KDR: variants seen among roughly 807,000 people sequenced by gnomAD.
KDR encodes the protein vascular endothelial growth factor receptor 2.
KDR carries 43 observed loss-of-function variants against 160.9 expected under a neutral mutation model. The observed-to-expected ratio is 0.27, with a 90% CI of 0.21 to 0.34. The LOEUF (loss-of-function observed/expected upper bound fraction) is 0.34. Among genes scored for constraint, KDR ranks in the 10% least tolerant of loss-of-function variants. The pLI is 1.00. For synonymous variants in KDR, 617 were observed against 600.1 expected (o/e 1.03, Z -0.41); for missense variants, 1,469 against 1,666.4 (o/e 0.88, Z 2.06).
chr4:55,085,701 T>G (rs28690664), intron 27 of KDR, among the ~76,000 whole-genome samples: 4 of 152,130 alleles, frequency 2.6e-5, no homozygotes, highest in Non-Finnish European at 4.4e-5. Context: ...TCCATTTTAT[T>G]TTTCAAATTA....
At chr4:55,108,022 A>C in intron 9 of KDR, 129 bp from the exon 10 acceptor site, 1 of 965,552 alleles carries the variant, frequency 1.0e-6, no homozygotes, top group Non-Finnish European at 1.6e-6. Context: ...TTCGAAGAAC[A>C]CCTAGATGTG....
Position 55,107,790 on chromosome 4 carries a change from C to T in KDR, c.1359G>A (p.Pro453=), listed in dbSNP as rs762349152. ...ACTGCCAATACCAGTGGATGTGATG[C>T]GGGGGAGGAATGGCATAGACCGTAC... ...LTCTVYAIPP[P]HHIHWYWQLE... is the part of the protein sequence containing the mutation. Residue 453 remains proline (P), a synonymous_variant, in exon 10 of 30, where the codon CCG becomes CCA. Coordinates refer to ENST00000263923, the MANE Select transcript of KDR (RefSeq NM_002253.4). 17 of 1,613,702 alleles carry T rather than the reference C, an allele frequency of 1.1e-5. No homozygotes were observed. The highest frequency in any genetic ancestry group is 4.5e-5 in the East Asian group (2 of 44,872).
chr4:55,098,336 G>A, intron 16 of KDR, 64 bp from the exon 17 acceptor site: 1 of 1,579,338 alleles, frequency 6.3e-7, no homozygotes. Context: ...TTGTGTGCTT[G>A]TTATTGCTGT....
intron 27 of KDR, among the ~76,000 whole-genome samples, chr4:55,084,300 G>C (rs1719805884): frequency 6.6e-6 from 1 of 152,170 alleles, no homozygotes; most frequent in Admixed American, 6.5e-5. Flanking sequence ...TAAGACCCAA[G>C]AGACAAATAC....
chr4:55,082,514 T>C, intron 28 of KDR, 22 bp downstream of exon 28: 1 of 1,494,992 alleles, frequency 6.7e-7, no homozygotes, highest in Non-Finnish European at 9.3e-7. Context: ...TTTCTAAGAC[T>C]ATTTTTAAAA....
At chr4:55,081,451 GATT>G (rs1441396809) in intron 29 of KDR, among the ~76,000 whole-genome samples, 5 of 152,262 alleles carry the variant, frequency 3.3e-5, no homozygotes, top group African/African-American at 1.2e-4. Context: ...ATAGAAGGGA[GATT>G]ATATTTAAAA....
In KDR at chr4:55,092,245, T is replaced by C. The variant is rs186662231; in HGVS notation, c.3069+372A>G. On this transcript the variant is annotated intron_variant, in intron 22 of 29. Coordinates refer to ENST00000263923, the MANE Select transcript of KDR (RefSeq NM_002253.4). ...TTTCTTGCTTTATTTCCCCATAGCA[T>C]TTACTCTCATCTAACCTACAACACG... is the stretch of plus-strand genomic sequence containing the variant. The C allele has an allele frequency of 1.7e-3, 530 of 306,896 alleles. 3 individuals are homozygous for C. The highest frequency in any genetic ancestry group is 0.011 in the African/African-American group (500 of 46,442). The allele number at this position is 306,896 out of a possible 1,614,324, so 19.0% of individuals were successfully genotyped here. A position where few individuals can be genotyped will look rare whatever the true frequency, so the allele number is the denominator to read the frequency against.
At position 55,105,848 on chromosome 4, in the gene KDR, G is replaced by A. The variant is rs150270342; in HGVS notation, c.1629C>T (p.Ile543=). 5.0e-5 allele frequency: 80 copies of A among 1,608,456 alleles called. 1 individual carries two copies. The African/African-American group carries it at 8.9e-4, about 18-fold the overall frequency. Residue 543 remains isoleucine, a synonymous_variant, in exon 12 of 30, where the codon ATC becomes ATT. Transcript: ENST00000263923. ...AGTACTTACTGGTCACGTGGAAGGA[G>A]ATCACCCTCTCTCCTCTCCCGACTT... is the stretch of plus-strand genomic sequence containing the variant. The part of the protein sequence containing the change: ...VNKVGRGERV[I]SFHVTRGPEI...
In KDR at chr4:55,078,957, A is replaced by C. The variant is rs2110002769; in HGVS notation, c.*984T>G. 1 of 233,276 alleles carries C rather than the reference A, an allele frequency of 4.3e-6. No homozygotes were observed. The highest frequency in any genetic ancestry group is 6.0e-5 in the East Asian group (1 of 16,576). 14.5% of individuals were successfully genotyped at this position (233,276 alleles called of 1,614,324 possible). A position where few individuals can be genotyped will look rare whatever the true frequency, so the allele number is the denominator to read the frequency against. The stretch of plus-strand genomic sequence containing the variant: ...GGTTGGGGACAGGGGGAAGAACAAA[A>C]GGGTAAAATCCTTCCTGAAACTTTG... On this transcript the variant is annotated 3_prime_UTR_variant, in exon 30 of 30. Transcript: ENST00000263923.
At chr4:55,121,809 T>C (rs577298457) in intron 1 of KDR, among the ~76,000 whole-genome samples, 4 of 152,274 alleles carry the variant, frequency 2.6e-5, no homozygotes, top group South Asian at 4.1e-4. Context: ...ATTCCACACA[T>C]ACATGCATAT....
In KDR at chr4:55,110,455, G is replaced by A. The variant is rs2110027320; in HGVS notation, c.1203C>T (p.Thr401=). Reference sequence around the variant, plus strand: ...TCTGCTTCTCCTTTGAAATGGGATTGGTAAGGATGACAGTGTAATTTCCTG... The same window carrying A: ...TCTGCTTCTCCTTTGAAATGGGATTAGTAAGGATGACAGTGTAATTTCCTG... ...RDTGNYTVIL[T]NPISKEKQSH... The change falls in exon 9 of 30, where the codon ACC becomes ACT. Residue 401 remains threonine, a synonymous_variant. Coordinates refer to ENST00000263923, the MANE Select transcript of KDR (RefSeq NM_002253.4). 1.4e-5 allele frequency: 22 copies of A among 1,614,002 alleles called. No homozygotes were observed. The highest frequency in any genetic ancestry group is 1.9e-5 in the Non-Finnish European group (22 of 1,179,936).
At chr4:55,106,422 T>C (rs1720447072) in intron 11 of KDR, among the ~76,000 whole-genome samples, 2 of 152,290 alleles carry the variant, frequency 1.3e-5, no homozygotes, top group South Asian at 4.2e-4. Context: ...TGATACACAT[T>C]TTTTCATTCT....
At chr4:55,089,321 G>T in intron 25 of KDR, 53 bp downstream of exon 25, 1 of 1,322,980 alleles carries the variant, frequency 7.6e-7, no homozygotes, top group Non-Finnish European at 1.1e-6. Flanking sequence ...TTCCAGGCAA[G>T]GAGAATTTGC....
intron 7 of KDR, among the ~76,000 whole-genome samples, chr4:55,112,271 T>A (rs1720606692): frequency 6.6e-6 from 1 of 152,112 alleles, no homozygotes; most frequent in African/African-American, 2.4e-5. Flanking sequence ...TTCCTCAGCC[T>A]ACTCAACGTG....
intron 13 of KDR, among the ~76,000 whole-genome samples, 178 bp from the exon 14 acceptor site, chr4:55,102,686 T>C (rs1291924641): frequency 1.3e-5 from 2 of 152,200 alleles, no homozygotes; most frequent in African/African-American, 4.8e-5. Flanking sequence ...GTCAGGACAC[T>C]GCAAACAGAT....
intron 22 of KDR, among the ~76,000 whole-genome samples, chr4:55,091,280 C>A (rs1175074698): frequency 6.6e-6 from 1 of 152,164 alleles, no homozygotes; most frequent in Non-Finnish European, 1.5e-5. Flanking sequence ...TTATCTAGCA[C>A]AATTGAGCAA....
At chr4:55,108,946 T>A (rs189922730) in intron 9 of KDR, among the ~76,000 whole-genome samples, 1 of 152,306 alleles carries the variant, frequency 6.6e-6, no homozygotes, top group Non-Finnish European at 1.5e-5. Flanking sequence ...CATGAACTGA[T>A]GAAATGGGCT....
rs1011432006 is a variant in KDR at position 55,125,490 on chromosome 4, C to T, written c.-197G>A. 3.0e-5 allele frequency: 19 copies of T among 632,508 alleles called. No homozygotes were observed. In the African/African-American group the frequency reaches 3.3e-4, roughly 11 times the overall value. The allele number at this position is 632,508 out of a possible 1,614,324, so 39.2% of individuals were successfully genotyped here. On this transcript the variant is annotated 5_prime_UTR_variant, in exon 1 of 30. Transcript: ENST00000263923. ...GCGGGTGCCGGTAGGAGAGGATATC[C>T]AGGCTGCCAGACGGACTTTCTGCGG...
chr4:55,091,959 T>C (rs182070002), intron 22 of KDR, among the ~76,000 whole-genome samples: 1 of 152,372 alleles, frequency 6.6e-6, no homozygotes, highest in East Asian at 1.9e-4. Flanking sequence ...TTAATCGCTC[T>C]CATCTGAAGC....
Sources: allele counts gnomAD v4.1 joint callset (sites outside exome capture counted in the v4.1 genomes callset), GRCh38; gene constraint gnomAD v4.1.1; transcripts MANE v1.5; gene names NCBI Gene and HGNC (gene_info 2026-07-23, HGNC 2026-07-21).